ANKRD13C: variants seen among roughly 807,000 people sequenced by gnomAD.
The protein encoded by ANKRD13C is ankyrin repeat domain 13C, also known as ankyrin repeat domain-containing protein 13C.
In ANKRD13C, 16 loss-of-function variants were observed where a neutral mutation model predicts 65.5. The ratio of observed to expected loss-of-function variants is 0.24; its 90% confidence interval spans 0.17 to 0.37. ANKRD13C has a LOEUF of 0.37. ANKRD13C is among the 10% of genes least tolerant of loss of function. The probability of loss-of-function intolerance (pLI) is 1.00; values close to 1 mark genes in which losing one functional copy is unlikely to be tolerated. For synonymous variants in ANKRD13C, 235 were observed against 238.7 expected (o/e 0.98, Z 0.14); for missense variants, 503 against 655.9 (o/e 0.77, Z 2.55).
At chr1:70,281,396 C>CTT (rs71583111) in intron 9 of ANKRD13C, among the ~76,000 whole-genome samples, 1,250 of 85,258 alleles carry the variant, frequency 0.015, 6 homozygotes, top group Non-Finnish European at 0.017. Flanking sequence ...TGACTAAATT[C>CTT]TTTTTTTTTT....
intron 9 of ANKRD13C, among the ~76,000 whole-genome samples, chr1:70,290,992 A>G (rs1393186175): frequency 1.3e-5 from 2 of 152,224 alleles, no homozygotes; most frequent in African/African-American, 4.8e-5. Context: ...GCAGTTTGAA[A>G]AACAGTGCTA....
At chr1:70,326,495 C>G (rs1681552446) in intron 2 of ANKRD13C, among the ~76,000 whole-genome samples, 1 of 151,898 alleles carries the variant, frequency 6.6e-6, no homozygotes, top group African/African-American at 2.4e-5. Context: ...TGTGGGTTGG[C>G]TAAGGTGGGG....
At chr1:70,298,525 A>G (rs923579664) in intron 7 of ANKRD13C, among the ~76,000 whole-genome samples, 2 of 152,158 alleles carry the variant, frequency 1.3e-5, no homozygotes, top group Non-Finnish European at 2.9e-5. Context: ...TAGTACATAC[A>G]TACCTTAATA....
At chr1:70,317,453 A>T (rs1156431840) in intron 3 of ANKRD13C, among the ~76,000 whole-genome samples, 2 of 152,140 alleles carry the variant, frequency 1.3e-5, no homozygotes, top group East Asian at 3.8e-4. Flanking sequence ...TTTGGTTTCA[A>T]ATATCTTTTT....
At chr1:70,313,507 G>A (rs1680936428) in intron 5 of ANKRD13C, among the ~76,000 whole-genome samples, 1 of 148,482 alleles carries the variant, frequency 6.7e-6, no homozygotes, top group African/African-American at 2.5e-5. Flanking sequence ...TCCAGCCTGG[G>A]CAACAGTGAG....
chr1:70,302,008 G>A (rs550881174), intron 6 of ANKRD13C, among the ~76,000 whole-genome samples: 2 of 152,248 alleles, frequency 1.3e-5, no homozygotes, highest in African/African-American at 2.4e-5. Context: ...TAATGCAACT[G>A]TAAGAATTCA....
At chr1:70,287,487 CTT>C (rs1446847411) in intron 9 of ANKRD13C, among the ~76,000 whole-genome samples, 1 of 152,012 alleles carries the variant, frequency 6.6e-6, no homozygotes, top group Non-Finnish European at 1.5e-5. Context: ...AGATATAAAA[CTT>C]TTAGAAAAAA....
At chr1:70,300,731 T>C in intron 7 of ANKRD13C, 33 bp downstream of exon 7, 1 of 1,526,828 alleles carries the variant, frequency 6.5e-7, no homozygotes, top group East Asian at 2.4e-5. Context: ...TTTTTAATGA[T>C]TTAAAGGAAT....
chr1:70,328,697 C>T (rs1487876436), intron 2 of ANKRD13C, among the ~76,000 whole-genome samples: 1 of 152,066 alleles, frequency 6.6e-6, no homozygotes, highest in East Asian at 1.9e-4. Context: ...AAACTACATA[C>T]ATGAGTGTGT....
intron 2 of ANKRD13C, among the ~76,000 whole-genome samples, chr1:70,325,813 A>C (rs1479087533): frequency 6.6e-6 from 1 of 152,202 alleles, no homozygotes; most frequent in East Asian, 1.9e-4. Flanking sequence ...CGGGAGGCAG[A>C]GGCTGCAGTG....
At chr1:70,281,229 T>G (rs905609197) in intron 9 of ANKRD13C, among the ~76,000 whole-genome samples, 13 of 152,102 alleles carry the variant, frequency 8.5e-5, no homozygotes, top group Non-Finnish European at 1.8e-4. Context: ...GTTTATGTAC[T>G]CACTGATGAG....
intron 7 of ANKRD13C, among the ~76,000 whole-genome samples, chr1:70,297,837 C>T (rs1304765631): frequency 8.0e-5 from 12 of 149,890 alleles, no homozygotes; most frequent in African/African-American, 2.7e-4. Context: ...CACTTGAACC[C>T]GGGAGGTGGA....
At chr1:70,297,336 C>T (rs529479882) in intron 7 of ANKRD13C, among the ~76,000 whole-genome samples, 1 of 140,580 alleles carries the variant, frequency 7.1e-6, no homozygotes, top group African/African-American at 2.6e-5. Context: ...CTTTGTCGCC[C>T]AGGCTGGAGT....
At chr1:70,289,103 TATAAAG>T (rs1679746675) in intron 9 of ANKRD13C, among the ~76,000 whole-genome samples, 1 of 152,226 alleles carries the variant, frequency 6.6e-6, no homozygotes, top group Non-Finnish European at 1.5e-5. Flanking sequence ...ATTCATCAAC[TATAAAG>T]TTCAAAATCC....
intron 1 of ANKRD13C, among the ~76,000 whole-genome samples, chr1:70,345,142 T>G (rs187750078): frequency 1.3e-5 from 2 of 152,220 alleles, no homozygotes; most frequent in East Asian, 3.9e-4. Flanking sequence ...TAAAAGTTGG[T>G]TGCACAGCTG....
chr1:70,319,607 C>CAAAAAAAAAAAAAAAAAAA (rs1180827448), intron 3 of ANKRD13C, among the ~76,000 whole-genome samples: 12 of 121,128 alleles, frequency 9.9e-5, no homozygotes, highest in African/African-American at 3.9e-4. Flanking sequence ...AACTCCATCT[C>CAAAAAAAAAAAAAAAAAAA]AAAAAAAAAA....
chr1:70,280,476 A>G (rs75469982), intron 9 of ANKRD13C, among the ~76,000 whole-genome samples: 3,093 of 152,334 alleles, frequency 0.02, 102 homozygotes, highest in African/African-American at 0.071. Context: ...GGCCAGACAC[A>G]GAAGAGAAAA....
chr1:70,290,046 A>G (rs188249601), intron 9 of ANKRD13C, among the ~76,000 whole-genome samples: 44 of 152,318 alleles, frequency 2.9e-4, no homozygotes, highest in Middle Eastern at 3.4e-3. Flanking sequence ...GCTCCTGGAA[A>G]AATGAAGTCT....
chr1:70,344,295 CAA>C (rs1169730172), intron 1 of ANKRD13C, among the ~76,000 whole-genome samples: 14 of 85,614 alleles, frequency 1.6e-4, no homozygotes, highest in Middle Eastern at 7.8e-3. Context: ...GATTCCATCT[CAA>C]AAAAAAAAAA....
Sources: gnomAD v4.1 joint callset for allele counts (sites outside exome capture counted in the v4.1 genomes callset) on GRCh38, gnomAD v4.1.1 for gene constraint, MANE v1.5 for transcripts, NCBI Gene and HGNC (gene_info 2026-07-23, HGNC 2026-07-21) for gene names.